Variants in CDH23 observed in about 807,000 individuals in gnomAD.
CDH23 encodes the protein cadherin-23.
A neutral mutation model predicts 317.1 loss-of-function variants in CDH23; 189 were observed. The observed-to-expected ratio is 0.60, with a 90% CI of 0.53 to 0.67. The LOEUF (loss-of-function observed/expected upper bound fraction) is 0.67. CDH23 is among the 30% of genes least tolerant of loss of function. The pLI, the probability that CDH23 is intolerant of heterozygous loss-of-function variation, is 0.00. For missense variants in CDH23, 4,401 were observed against 4,592.4 expected, an observed-to-expected ratio of 0.96 and a Z score of 1.20; for synonymous variants, 1,839 against 1,876.8, an observed-to-expected ratio of 0.98 and a Z score of 0.52.
At chr10:71,475,953 T>C (rs1410499524) in intron 3 of CDH23, among the ~76,000 whole-genome samples, 1 of 152,212 alleles carries the variant, frequency 6.6e-6, no homozygotes, top group East Asian at 1.9e-4. Flanking sequence ...TCCCTGGGCC[T>C]CAGTTTCCAC....
At position 71,566,103 on chromosome 10, in the gene CDH23, C is replaced by G. The variant is rs144100473; in HGVS notation, c.430-639C>G. Among the ~76,000 whole-genome samples, 239 of 152,294 alleles carry G rather than the reference C, an allele frequency of 1.6e-3. 2 individuals carry two copies. The highest frequency in any genetic ancestry group is 5.6e-3 in the African/African-American group (234 of 41,564). On this transcript the variant is annotated intron_variant, in intron 6 of 69. Coordinates refer to ENST00000224721, the MANE Select transcript of CDH23 (RefSeq NM_022124.6). ...GGGCCTGTGTTCTATGCAAAGGGCA[C>G]TGGGGAGTCACGGATGGTGAGGAGG...
At chr10:71,444,592 G>T (rs1394351012) in intron 2 of CDH23, among the ~76,000 whole-genome samples, 1 of 152,220 alleles carries the variant, frequency 6.6e-6, no homozygotes, top group East Asian at 1.9e-4. Context: ...GTGAGAGAGG[G>T]CAGAATAAGG....
intron 38 of CDH23, among the ~76,000 whole-genome samples, chr10:71,743,916 A>G (rs1272374110): frequency 6.6e-6 from 1 of 152,188 alleles, no homozygotes; most frequent in South Asian, 2.1e-4. Flanking sequence ...GATAGCTACT[A>G]TAACTCTAGG....
chr10:71,576,595 A>G (rs1858219190), intron 8 of CDH23, among the ~76,000 whole-genome samples: 1 of 152,140 alleles, frequency 6.6e-6, no homozygotes, highest in Admixed American at 6.5e-5. Flanking sequence ...TTAGCCATGC[A>G]GATGCCAGGG....
At chr10:71,736,908 A>G (rs1194032206) in intron 34 of CDH23, among the ~76,000 whole-genome samples, 6 of 152,218 alleles carry the variant, frequency 3.9e-5, no homozygotes, top group African/African-American at 1.4e-4. Context: ...TCCCTGAGGA[A>G]GGGACTCAAG....
chr10:71,544,366 G>T (rs561015996), intron 6 of CDH23, among the ~76,000 whole-genome samples: 1 of 152,300 alleles, frequency 6.6e-6, no homozygotes, highest in East Asian at 1.9e-4. Flanking sequence ...GTGAAATCAG[G>T]CCTAATCAGC....
intron 19 of CDH23, among the ~76,000 whole-genome samples, chr10:71,689,142 G>GAT (rs1564734124): frequency 2.3e-4 from 30 of 130,720 alleles, no homozygotes; most frequent in South Asian, 4.8e-4. Context: ...TGGAGCCAGG[G>GAT]GTGGTGGAGT....
chr10:71,576,791 G>C (rs56843995), intron 8 of CDH23, among the ~76,000 whole-genome samples: 3 of 152,208 alleles, frequency 2.0e-5, no homozygotes, highest in Non-Finnish European at 4.4e-5. Context: ...TCAGCGAGTG[G>C]TGGCGGTGAC....
intron 6 of CDH23, among the ~76,000 whole-genome samples, chr10:71,544,814 G>A (rs1300554270): frequency 1.3e-5 from 2 of 152,198 alleles, no homozygotes; most frequent in Admixed American, 6.5e-5. Flanking sequence ...AAAGGGAGTC[G>A]GATCATTTTC....
chr10:71,647,615 CT>C (rs1473135732), intron 14 of CDH23: 3 of 152,262 alleles, frequency 2.0e-5, no homozygotes, highest in Non-Finnish European at 2.9e-5. Context: ...TTTATCACCC[CT>C]AGTGGGAAAA....
intron 38 of CDH23, chr10:71,761,891 T>C (rs751373284): frequency 1.9e-6 from 3 of 1,614,094 alleles, no homozygotes; most frequent in Admixed American, 3.3e-5. Flanking sequence ...CGAGCTGCGG[T>C]ACCACGTCTT....
At chr10:71,605,325 G>T (rs973315415) in intron 9 of CDH23, among the ~76,000 whole-genome samples, 7 of 151,976 alleles carry the variant, frequency 4.6e-5, no homozygotes, top group Admixed American at 2.6e-4. Context: ...TGGAGCAATG[G>T]TTCTTCATTG....
At chr10:71,643,925 T>C in intron 12 of CDH23, 59 bp downstream of exon 12, 3 of 764,630 alleles carry the variant, frequency 3.9e-6, no homozygotes, top group South Asian at 2.7e-5. Flanking sequence ...GTGGGCACAG[T>C]GGGGAGGGGC....
intron 6 of CDH23, among the ~76,000 whole-genome samples, chr10:71,534,829 C>T (rs1278629217): frequency 1.3e-5 from 2 of 148,836 alleles, no homozygotes; most frequent in Non-Finnish European, 3.0e-5. Flanking sequence ...AACCAAGAAG[C>T]AAGGCTTGTG....
chr10:71,694,646 G>A (rs959560328), intron 21 of CDH23, among the ~76,000 whole-genome samples: 6 of 152,116 alleles, frequency 3.9e-5, no homozygotes, highest in African/African-American at 1.4e-4. Context: ...GGCCCTGGAG[G>A]GTCCCTGGGG....
In CDH23 at chr10:71,759,820, T is replaced by TACACACACACACACAC. The variant is rs1289055534; in HGVS notation, c.4846-17848_4846-17833dup. On this transcript the variant is annotated intron_variant, in intron 38 of 69. Transcript: ENST00000224721. ...GAGTGAAACCGTGTTTCAGAAAATA[T>TACACACACACACACAC]ACACACACACACACACACACACACA... Among the ~76,000 whole-genome samples the TACACACACACACACAC allele has an allele frequency of 2.2e-3, 188 of 85,222 alleles. 10 individuals carry two copies. Among genetic ancestry groups the TACACACACACACACAC allele is most frequent in the Non-Finnish European group, 3.7e-3 (144 of 39,222 alleles). 55.9% of individuals were successfully genotyped at this position (85,222 alleles called of 152,430 possible). A position where few individuals can be genotyped will look rare whatever the true frequency, so the allele number is the denominator to read the frequency against.
At chr10:71,461,208 C>G (rs766970264) in intron 3 of CDH23, among the ~76,000 whole-genome samples, 6 of 152,360 alleles carry the variant, frequency 3.9e-5, no homozygotes, top group Middle Eastern at 3.4e-3. Flanking sequence ...AAACCACAAA[C>G]TCTTTGGAGG....
chr10:71,711,402 C>T lies in CDH23; in HGVS notation c.3221-1263C>T, dbSNP rs557950042. ...GCCTGGGGAAGAAGGATGGCGTCAC[C>T]CTAGGTCTCCAGGCTACTCCAGCTG... On this transcript the variant is annotated intron_variant, in intron 27 of 69. Transcript: ENST00000224721. Among the ~76,000 whole-genome samples the T allele has an allele frequency of 8.5e-5, 13 of 152,282 alleles. No homozygotes were observed. The South Asian group carries it at 2.5e-3, about 29-fold the overall frequency.
At chr10:71,720,757 G>A (rs1396624979) in intron 28 of CDH23, among the ~76,000 whole-genome samples, 1 of 152,174 alleles carries the variant, frequency 6.6e-6, no homozygotes, top group Non-Finnish European at 1.5e-5. Context: ...GAGGTCCTCA[G>A]GGGTCATCTA....
Sources: gnomAD v4.1 joint callset for allele counts (sites outside exome capture counted in the v4.1 genomes callset) on GRCh38, gnomAD v4.1.1 for gene constraint, MANE v1.5 for transcripts, NCBI Gene and HGNC (gene_info 2026-07-23, HGNC 2026-07-21) for gene names.